Variants in RNASET2 observed in about 807,000 individuals in gnomAD.
RNASET2 encodes ribonuclease T2.
Under a neutral mutation model 33.9 loss-of-function variants are expected in RNASET2, and 28 were observed. The ratio of observed to expected loss-of-function variants is 0.83; its 90% CI spans 0.61 to 1.13. The LOEUF is 1.13. Ranked by LOEUF, RNASET2 falls within the 50% of genes most tolerant of loss-of-function variation. The pLI is 0.00. For synonymous variants in RNASET2, 123 were observed against 121.0 expected, an observed-to-expected ratio of 1.02 and a Z score of -0.11; for missense variants, 330 against 319.9, an observed-to-expected ratio of 1.03 and a Z score of -0.24.
intron 4 of RNASET2, among the ~76,000 whole-genome samples, chr6:166,946,417 C>T (rs2236310): frequency 0.12 from 17,695 of 152,254 alleles, 1,245 homozygotes; most frequent in African/African-American, 0.18. Flanking sequence ...AGTGTCAGGG[C>T]TTGCTCCGGT....
Position 166,923,604 on chromosome 6 carries a change from C to T in RNASET2, c.*5984G>A, listed in dbSNP as rs1020052623. ...TCTAAAATAAATGGAAGGCCCATTA[C>T]AGTCACTCAGAAAAAAAAAATAGAA... On this transcript the variant is annotated 3_prime_UTR_variant, in exon 9 of 9. Coordinates refer to ENST00000508775, the MANE Select transcript of RNASET2 (RefSeq NM_003730.6). 2.6e-5 allele frequency among the ~76,000 whole-genome samples: 4 copies of T among 151,484 alleles called. No homozygotes were observed. The highest frequency in any genetic ancestry group is 9.7e-5 in the African/African-American group (4 of 41,122).
At chr6:166,951,160 G>T (rs888479425) in intron 2 of RNASET2, among the ~76,000 whole-genome samples, 1 of 152,142 alleles carries the variant, frequency 6.6e-6, no homozygotes, top group African/African-American at 2.4e-5. Context: ...TTCCCTGTAT[G>T]GCAGCGGAGG....
chr6:166,944,837 G>A (rs1172623410), intron 4 of RNASET2, among the ~76,000 whole-genome samples: 1 of 151,954 alleles, frequency 6.6e-6, no homozygotes, highest in African/African-American at 2.4e-5. Flanking sequence ...TTAACACGGG[G>A]CTCCACCAGC....
In RNASET2 at chr6:166,923,935, A is replaced by G. The variant is rs1446403282; in HGVS notation, c.*5653T>C. ...TAGTTGAATTCTGAAAATATTTTAC[A>G]TTACAATTCTCAGCTGCCTTAGGAC... is the stretch of plus-strand genomic sequence containing the variant. On this transcript the variant is annotated 3_prime_UTR_variant, in exon 9 of 9. Transcript: ENST00000508775. Among the ~76,000 whole-genome samples the G allele has an allele frequency of 6.6e-6, 1 of 152,200 alleles. No homozygotes were observed. The highest frequency in any genetic ancestry group is 2.4e-5 in the African/African-American group (1 of 41,454).
At chr6:166,954,933 G>C (rs190278212) in intron 1 of RNASET2, among the ~76,000 whole-genome samples, 358 of 152,252 alleles carry the variant, frequency 2.4e-3, no homozygotes, top group African/African-American at 7.8e-3. Flanking sequence ...GGAGGTTGCA[G>C]TGAGCTGAGG....
At position 166,925,152 on chromosome 6, in the gene RNASET2, T is replaced by TCCAGCCCTCACCCCTGCCGC. The variant is rs1562490090; in HGVS notation, c.*4435_*4436insGCGGCAGGGGTGAGGGCTGG. ...TGCTGCCCAGGCCTCATCTACGCCA[T>TCCAGCCCTCACCCCTGCCGC]CCAGCCCTCACTCCTGCCGCCCAGC... On this transcript the variant is annotated 3_prime_UTR_variant, in exon 9 of 9. Coordinates refer to ENST00000508775, the MANE Select transcript of RNASET2 (RefSeq NM_003730.6). Among the ~76,000 whole-genome samples, 6 of 142,720 alleles carry TCCAGCCCTCACCCCTGCCGC rather than the reference T, an allele frequency of 4.2e-5. No individual in the cohort carries two copies. The highest frequency in any genetic ancestry group is 1.3e-4 in the African/African-American group (5 of 38,320). 93.6% of individuals were successfully genotyped at this position (142,720 alleles called of 152,430 possible). A position where few individuals can be genotyped will look rare whatever the true frequency, so the allele number is the denominator to read the frequency against.
rs114455323 is a variant in RNASET2 at position 166,922,664 on chromosome 6, C to T, written c.*6924G>A. 5.3e-3 allele frequency among the ~76,000 whole-genome samples: 800 copies of T among 152,344 alleles called. 10 individuals carry two copies. Among genetic ancestry groups the T allele is most frequent in the African/African-American group, 0.015 (627 of 41,578 alleles). ...TCTTGGTGACTGGCTGAATCTTGTA[C>T]ATGACTTTTGATGTATGTTGTTATC... On this transcript the variant is annotated 3_prime_UTR_variant, in exon 9 of 9. Transcript: ENST00000508775.
In RNASET2 at chr6:166,923,148, G is replaced by T. The variant is rs115369879; in HGVS notation, c.*6440C>A. ...TGTTGCCCAGGCTGGAGGGTGGAGC[G>T]CAGTGGCGCAATCTCCACTCACTGC... On this transcript the variant is annotated 3_prime_UTR_variant, in exon 9 of 9. Transcript: ENST00000508775. Among the ~76,000 whole-genome samples the T allele has an allele frequency of 1.2e-4, 18 of 151,814 alleles. No homozygotes were observed. In the South Asian group the frequency reaches 3.3e-3, roughly 28 times the overall value.
At position 166,926,195 on chromosome 6, in the gene RNASET2, G is replaced by C. The variant is rs913701403; in HGVS notation, c.*3393C>G. The stretch of plus-strand genomic sequence containing the variant: ...TTTGAGGTTTCTACCTGGAATAAGC[G>C]GATGGTGATGTCATTCACCGAGATG... On this transcript the variant is annotated 3_prime_UTR_variant, in exon 9 of 9. Coordinates refer to ENST00000508775, the MANE Select transcript of RNASET2 (RefSeq NM_003730.6). Among the ~76,000 whole-genome samples the C allele has an allele frequency of 6.6e-6, 1 of 151,776 alleles. No homozygotes were observed. The highest frequency in any genetic ancestry group is 1.5e-5 in the Non-Finnish European group (1 of 67,926).
In RNASET2 at chr6:166,923,934, C is replaced by A. The variant is rs1026131914; in HGVS notation, c.*5654G>T. Among the ~76,000 whole-genome samples the A allele has an allele frequency of 3.9e-5, 6 of 152,200 alleles. No individual in the cohort carries two copies. Among genetic ancestry groups the A allele is most frequent in the Non-Finnish European group, 8.8e-5 (6 of 68,044 alleles). On this transcript the variant is annotated 3_prime_UTR_variant, in exon 9 of 9. Coordinates refer to ENST00000508775, the MANE Select transcript of RNASET2 (RefSeq NM_003730.6). ...ATAGTTGAATTCTGAAAATATTTTA[C>A]ATTACAATTCTCAGCTGCCTTAGGA...
chr6:166,939,152 G>A, intron 5 of RNASET2, 144 bp from the exon 6 acceptor site: 1 of 702,970 alleles, frequency 1.4e-6, no homozygotes, highest in Non-Finnish European at 2.6e-6. Context: ...TGACCAACAT[G>A]GTGAAACTGT....
intron 2 of RNASET2, among the ~76,000 whole-genome samples, chr6:166,949,668 T>C (rs1778937144): frequency 6.6e-6 from 1 of 152,170 alleles, no homozygotes; most frequent in Admixed American, 6.5e-5. Context: ...CCAAAACCTG[T>C]AACTTCACCT....
intron 1 of RNASET2, chr6:166,952,935 G>A (rs1351156565): frequency 2.6e-5 from 6 of 227,326 alleles, no homozygotes; most frequent in East Asian, 2.1e-4. Context: ...CCCTGCATTC[G>A]TGAAACCCAT....
chr6:166,934,102 T>G lies in RNASET2; in HGVS notation c.481A>C (p.Asn161His). The change falls in exon 7 of 9, where the codon AAT becomes CAT. Residue 161 changes from asparagine (N) to histidine (H), a missense_variant. Coordinates refer to ENST00000508775, the MANE Select transcript of RNASET2 (RefSeq NM_003730.6). ...LLKLGIKPSINYYQVADFKDA... is the reference protein window; with the variant it reads ...LLKLGIKPSIHYYQVADFKDA... ...AAAGCAAGACTTACTTGGTAGTAAT[T>G]GATGGATGGTTTTATCCCCAATTTT... 1 of 1,610,190 alleles carries G rather than the reference T, an allele frequency of 6.2e-7. No homozygotes were observed. The highest frequency in any genetic ancestry group is 8.5e-7 in the Non-Finnish European group (1 of 1,176,508).
At chr6:166,956,023 T>G (rs1303569107) in intron 1 of RNASET2, 74 bp downstream of exon 1, 1 of 1,380,648 alleles carries the variant, frequency 7.2e-7, no homozygotes, top group Admixed American at 2.0e-5. Flanking sequence ...CCCCGAGAGC[T>G]GCAGCCTTCA....
In RNASET2 at chr6:166,939,026, A is replaced by G. The variant is rs1420032698; in HGVS notation, c.333-18T>C. 6.3e-7 allele frequency: 1 copy of G among 1,581,568 alleles called. No individual in the cohort carries two copies. The highest frequency in any genetic ancestry group is 1.7e-5 in the Admixed American group (1 of 59,980). Reference sequence around the variant, plus strand: ...CATGCTTCCTGTGAGGATTAGGAAAAATCTCCACTTAAAAGTAGTGAAACA... The same window carrying G: ...CATGCTTCCTGTGAGGATTAGGAAAGATCTCCACTTAAAAGTAGTGAAACA... On this transcript the variant is annotated intron_variant, in intron 5 of 8. Transcript: ENST00000508775.
At position 166,929,657 on chromosome 6, in the gene RNASET2, C is replaced by T. The variant is rs1261487980; in HGVS notation, c.702G>A (p.Glu234=). The T allele has an allele frequency of 4.3e-6, 7 of 1,614,142 alleles. No individual in the cohort carries two copies. The highest frequency in any genetic ancestry group is 4.2e-6 in the Non-Finnish European group (5 of 1,180,028). The change falls in exon 9 of 9, where the codon GAG becomes GAA. Residue 234 remains glutamate, a synonymous_variant. Transcript: ENST00000508775. ...CTTCACAGACTCTCAGACCCCGGCT[C>T]TCGGCGGCCCCATTTGCCAGCCAGA... ...QEVWLANGAA[E]SRGLRVCEDG...
rs1019712809 is a variant in RNASET2 at position 166,923,671 on chromosome 6, C to T, written c.*5917G>A. ...AATGACATAAAACTGCATTTCTCATCATCTGTCAGAGATTTTGCTTCAGAT... is the reference window on the plus strand; with the variant it reads ...AATGACATAAAACTGCATTTCTCATTATCTGTCAGAGATTTTGCTTCAGAT... On this transcript the variant is annotated 3_prime_UTR_variant, in exon 9 of 9. Coordinates refer to ENST00000508775, the MANE Select transcript of RNASET2 (RefSeq NM_003730.6). Among the ~76,000 whole-genome samples, 4 of 152,122 alleles carry T rather than the reference C, an allele frequency of 2.6e-5. No individual in the cohort carries two copies. Among genetic ancestry groups the T allele is most frequent in the African/African-American group, 9.7e-5 (4 of 41,406 alleles).
At chr6:166,942,509 C>T (rs533207600) in intron 5 of RNASET2, among the ~76,000 whole-genome samples, 1 of 152,252 alleles carries the variant, frequency 6.6e-6, no homozygotes, top group East Asian at 1.9e-4. Flanking sequence ...GAGACAGGGT[C>T]TCACCCTGTC....
Sources: allele counts gnomAD v4.1 joint callset (sites outside exome capture counted in the v4.1 genomes callset), GRCh38; gene constraint gnomAD v4.1.1; transcripts MANE v1.5; gene names NCBI Gene and HGNC (gene_info 2026-07-23, HGNC 2026-07-21).